GADD45G: variants seen among roughly 807,000 people sequenced by gnomAD.
GADD45G encodes the protein growth arrest and DNA damage-inducible protein GADD45 gamma.
Under a neutral mutation model 17.3 loss-of-function variants are expected in GADD45G, and 7 were observed. That is an observed-to-expected ratio of 0.41 (90% CI 0.23 to 0.76). The LOEUF is 0.76. Among genes scored for constraint, GADD45G ranks in the 30% least tolerant of loss-of-function variants. The probability of loss-of-function intolerance (pLI) is 0.34; values close to 1 mark genes in which losing one functional copy is unlikely to be tolerated. For missense variants in GADD45G, 149 were observed against 219.2 expected (o/e 0.68, Z 2.02); for synonymous variants, 93 against 94.9 (o/e 0.98, Z 0.12).
intron 1 of GADD45G, 62 bp from the exon 2 acceptor site, chr9:89,605,370 G>A: frequency 7.8e-7 from 1 of 1,283,662 alleles, no homozygotes; most frequent in Non-Finnish European, 1.1e-6. Context: ...CCGGTGGCCG[G>A]GGCTGGGGTC....
intron 1 of GADD45G, 90 bp downstream of exon 1, chr9:89,605,264 C>CG: frequency 8.0e-7 from 1 of 1,253,840 alleles, no homozygotes. Context: ...GAGGGGAGCG[C>CG]GGGGGTCCGG....
At position 89,605,954 on chromosome 9, in the gene GADD45G, GCT is replaced by G. The variant is rs758352700; in HGVS notation, c.370-7_370-6del. ...GCCCGCGGCCAGCCAGGCTGACCCT[GCT>G]CTCTCTCCGCAGAACCCCAACGAGG... is the stretch of plus-strand genomic sequence containing the variant. On this transcript the variant is annotated splice_polypyrimidine_tract_variant and intron_variant, in intron 3 of 3. Transcript: ENST00000252506. The G allele has an allele frequency of 4.8e-5, 77 of 1,604,364 alleles. 2 individuals are homozygous for G. In the East Asian group the frequency reaches 5.6e-4, roughly 12 times the overall value.
In GADD45G at chr9:89,606,437, G is replaced by T. The variant is rs896513530; in HGVS notation, c.*358G>T. On this transcript the variant is annotated 3_prime_UTR_variant, in exon 4 of 4. Transcript: ENST00000252506. ...CGCCCTGGACTTGGTACAGTTGCAG[G>T]AGCGTGAAGGACTTAGCCGACTGCG... The T allele has an allele frequency of 9.1e-6, 3 of 330,834 alleles. No homozygotes were observed. Among genetic ancestry groups the T allele is most frequent in the Non-Finnish European group, 1.7e-5 (3 of 178,196 alleles). The allele number at this position is 330,834 out of a possible 1,614,324, so 20.5% of individuals were successfully genotyped here. A position where few individuals can be genotyped will look rare whatever the true frequency, so the allele number is the denominator to read the frequency against.
chr9:89,606,211 T>A lies in GADD45G; in HGVS notation c.*132T>A. On this transcript the variant is annotated 3_prime_UTR_variant, in exon 4 of 4. Coordinates refer to ENST00000252506, the MANE Select transcript of GADD45G (RefSeq NM_006705.4). ...GAGACTGGCAGGCGGGGGGGGCGCC[T>A]GGAGAGCGAGGAGGCGCGGCCTCCC... 1 of 705,386 alleles carries A rather than the reference T, an allele frequency of 1.4e-6. No homozygotes were observed. The highest frequency in any genetic ancestry group is 2.4e-6 in the Non-Finnish European group (1 of 409,322). 43.7% of individuals were successfully genotyped at this position (705,386 alleles called of 1,614,324 possible). A position where few individuals can be genotyped will look rare whatever the true frequency, so the allele number is the denominator to read the frequency against.
chr9:89,605,564 CA>C, intron 2 of GADD45G, 31 bp downstream of exon 2: 3 of 1,556,638 alleles, frequency 1.9e-6, no homozygotes, highest in Non-Finnish European at 2.6e-6. Context: ...GGCTGGGAGA[CA>C]GGGGCGGGGG....
chr9:89,605,372 G>T lies in GADD45G; in HGVS notation c.54-60G>T, dbSNP rs749015090. 9 of 1,299,690 alleles carry T rather than the reference G, an allele frequency of 6.9e-6. No individual in the cohort carries two copies. The African/African-American group carries it at 7.3e-5, about 11-fold the overall frequency. 80.5% of individuals were successfully genotyped at this position (1,299,690 alleles called of 1,614,324 possible). On this transcript the variant is annotated intron_variant, in intron 1 of 3. Transcript: ENST00000252506. ...CCAAGGGTGTGTGCCGGTGGCCGGG[G>T]CTGGGGTCTCCGCCGCGCCCTCCGG...
Position 89,605,049 on chromosome 9 carries a change from G to C in GADD45G, c.-73G>C. ...GGTGGGCGCGCCGTGCTGAGCTCTG[G>C]CTGTCAGTGTGTTCGCCCGCGTCCC... On this transcript the variant is annotated 5_prime_UTR_variant, in exon 1 of 4. Coordinates refer to ENST00000252506, the MANE Select transcript of GADD45G (RefSeq NM_006705.4). 1.7e-6 allele frequency: 2 copies of C among 1,200,114 alleles called. No individual in the cohort carries two copies. Among genetic ancestry groups the C allele is most frequent in the Non-Finnish European group, 1.2e-6 (1 of 820,632 alleles). The allele number at this position is 1,200,114 out of a possible 1,614,324, so 74.3% of individuals were successfully genotyped here.
intron 1 of GADD45G, 47 bp from the exon 2 acceptor site, chr9:89,605,385 C>A (rs1827504599): frequency 7.1e-7 from 1 of 1,414,606 alleles, no homozygotes; most frequent in African/African-American, 1.4e-5. Context: ...GGGGTCTCCG[C>A]CGCGCCCTCC....
Position 89,605,158 on chromosome 9 carries a change from C to T in GADD45G, c.37C>T (p.Pro13Ser). The T allele has an allele frequency of 6.2e-7, 1 of 1,613,842 alleles. No homozygotes were observed. Among genetic ancestry groups the T allele is most frequent in the East Asian group, 2.2e-5 (1 of 44,884 alleles). ...AGAAGTCCGCGGCCAGGACACAGTT[C>T]CGGAAAGCACAGCCAGGTGGGTTTC... The part of the protein sequence containing the change: ...LEEVRGQDTV[P>S]ESTARMQGAG... The change falls in exon 1 of 4, where the codon CCG (proline) becomes TCG (serine). Residue 13 changes from proline (P) to serine (S), a missense_variant. Physicochemically the swap from Pro to Ser is moderately conservative, Grantham distance 74. Transcript: ENST00000252506.
Position 89,605,868 on chromosome 9 carries a change from C to T in GADD45G, c.357C>T (p.Cys119=), listed in dbSNP as rs767626463. 6.2e-7 allele frequency: 1 copy of T among 1,610,794 alleles called. No homozygotes were observed. The highest frequency in any genetic ancestry group is 1.1e-5 in the South Asian group (1 of 90,790). Residue 119 remains cysteine (C), a synonymous_variant, in exon 3 of 4, where the codon TGC becomes TGT. Coordinates refer to ENST00000252506, the MANE Select transcript of GADD45G (RefSeq NM_006705.4). ...EEAGAPGDLH[C]ILISNPNEDA... is the part of the protein sequence containing the mutation. Reference sequence around the variant, plus strand: ...CGGGTGCGCCGGGCGACCTGCACTGCATCCTCATTTCGGTGAGTACAGTCC... The same window carrying T: ...CGGGTGCGCCGGGCGACCTGCACTGTATCCTCATTTCGGTGAGTACAGTCC...
chr9:89,605,999 G>A lies in GADD45G; in HGVS notation c.400G>A (p.Ala134Thr). The change falls in exon 4 of 4, where the codon GCC becomes ACC. Residue 134 changes from alanine (A) to threonine (T), a missense_variant. Physicochemically the swap from Ala to Thr is moderately conservative, Grantham distance 58. Around this residue, in one of 3 missense-constraint regions of GADD45G, gnomAD observed 73 missense variants for 84.3 expected, o/e 0.87. Transcript: ENST00000252506. ...NPNEDAWKDP[A>T]LEKLSLFCEE... ...CAACGAGGACGCCTGGAAGGATCCC[G>A]CCTTGGAGAAGCTCAGCCTGTTTTG... 1 of 1,613,642 alleles carries A rather than the reference G, an allele frequency of 6.2e-7. No individual in the cohort carries two copies. Among genetic ancestry groups the A allele is most frequent in the Non-Finnish European group, 8.5e-7 (1 of 1,179,758 alleles).
In GADD45G at chr9:89,605,452, C is replaced by G; in HGVS notation, c.74C>G (p.Ala25Gly). 1 of 1,557,194 alleles carries G rather than the reference C, an allele frequency of 6.4e-7. No individual in the cohort carries two copies. Among genetic ancestry groups the G allele is most frequent in the Non-Finnish European group, 8.7e-7 (1 of 1,150,446 alleles). ...STARMQGAGKALHELLLSAQR... is the reference protein window; with the variant it reads ...STARMQGAGKGLHELLLSAQR... Reference sequence around the variant, plus strand: ...CGCAGGATGCAGGGTGCCGGGAAAGCGCTGCATGAGTTGCTGCTGTCGGCG... The same window carrying G: ...CGCAGGATGCAGGGTGCCGGGAAAGGGCTGCATGAGTTGCTGCTGTCGGCG... The change falls in exon 2 of 4, where the codon GCG (alanine) becomes GGG (glycine). Residue 25 changes from alanine (A) to glycine (G), a missense_variant. Ala to Gly is a moderately conservative substitution (Grantham distance 60). Transcript: ENST00000252506.
chr9:89,605,189 G>T lies in GADD45G; in HGVS notation c.53+15G>T. ...AGCACAGCCAGGTGGGTTTCAGGGC[G>T]CTGAGAAAGCCGCTGGTCGGTCGGC... On this transcript the variant is annotated intron_variant, in intron 1 of 3. Transcript: ENST00000252506. 1.2e-6 allele frequency: 2 copies of T among 1,611,152 alleles called. No homozygotes were observed. Among genetic ancestry groups the T allele is most frequent in the Non-Finnish European group, 1.7e-6 (2 of 1,177,442 alleles).
At chr9:89,605,602 G>C in intron 2 of GADD45G, 65 bp from the exon 3 acceptor site, 9 of 1,575,764 alleles carry the variant, frequency 5.7e-6, no homozygotes, top group Non-Finnish European at 7.8e-6. Flanking sequence ...TGGCGGATGG[G>C]AGGGGTGGCG....
In GADD45G at chr9:89,606,059, A is replaced by G; in HGVS notation, c.460A>G (p.Ser154Gly). 2 of 1,611,744 alleles carry G rather than the reference A, an allele frequency of 1.2e-6. No individual in the cohort carries two copies. The highest frequency in any genetic ancestry group is 1.7e-6 in the Non-Finnish European group (2 of 1,178,672). The change falls in exon 4 of 4, where the codon AGC becomes GGC. Residue 154 changes from serine (S) to glycine (G), a missense_variant. Physicochemically the swap from Ser to Gly is moderately conservative, Grantham distance 56. Transcript: ENST00000252506. ...ESRSVNDWVP[S>G]ITLPE ...CCGCAGCGTTAACGACTGGGTGCCC[A>G]GCATCACCCTCCCCGAGTGACAGCC...
At position 89,605,798 on chromosome 9, in the gene GADD45G, G is replaced by A. The variant is rs1351277448; in HGVS notation, c.287G>A (p.Gly96Asp). Residue 96 changes from glycine (G) to aspartate (D), a missense_variant, in exon 3 of 4, where the codon GGC becomes GAC. By Grantham distance (94) the Gly-to-Asp change is moderately conservative. This residue lies in a region of GADD45G where 39 missense variants were observed against 99.9 expected (regional missense o/e 0.39). Transcript: ENST00000252506. Reference protein sequence around the residue: ...CENDIDIVRVGDVQRLAAIVG... With the variant: ...CENDIDIVRVDDVQRLAAIVG... ...AACGACATCGACATAGTGCGCGTGGGCGATGTGCAGCGGCTGGCGGCTATC... is the reference window on the plus strand; with the variant it reads ...AACGACATCGACATAGTGCGCGTGGACGATGTGCAGCGGCTGGCGGCTATC... 1 of 1,613,920 alleles carries A rather than the reference G, an allele frequency of 6.2e-7. No individual in the cohort carries two copies. The highest frequency in any genetic ancestry group is 1.3e-5 in the African/African-American group (1 of 75,066).
At chr9:89,605,638 T>C (rs1290718632) in intron 2 of GADD45G, 29 bp from the exon 3 acceptor site, 3 of 1,534,640 alleles carry the variant, frequency 2.0e-6, no homozygotes, top group Non-Finnish European at 2.7e-6. Flanking sequence ...TAGCCGGTTC[T>C]GACCTAGGTC....
Position 89,605,399 on chromosome 9 carries a change from C to A in GADD45G, c.54-33C>A, listed in dbSNP as rs553901999. 1.9e-5 allele frequency: 29 copies of A among 1,491,036 alleles called. No homozygotes were observed. In the East Asian group the frequency reaches 7.2e-4, roughly 37 times the overall value. 92.4% of individuals were successfully genotyped at this position (1,491,036 alleles called of 1,614,324 possible). ...TGGGGTCTCCGCCGCGCCCTCCGGC[C>A]GGCTCCCGCTCACTGCGCTGGCTCC... On this transcript the variant is annotated intron_variant, in intron 1 of 3. Transcript: ENST00000252506.
Position 89,605,189 on chromosome 9 carries a change from G to A in GADD45G, c.53+15G>A, listed in dbSNP as rs1387110099. Reference sequence around the variant, plus strand: ...AGCACAGCCAGGTGGGTTTCAGGGCGCTGAGAAAGCCGCTGGTCGGTCGGC... The same window carrying A: ...AGCACAGCCAGGTGGGTTTCAGGGCACTGAGAAAGCCGCTGGTCGGTCGGC... On this transcript the variant is annotated intron_variant, in intron 1 of 3. Transcript: ENST00000252506. The A allele has an allele frequency of 6.2e-7, 1 of 1,611,152 alleles. No homozygotes were observed. Among genetic ancestry groups the A allele is most frequent in the East Asian group, 2.2e-5 (1 of 44,872 alleles).
Sources: gnomAD v4.1 joint callset for allele counts on GRCh38, gnomAD v4.1.1 for gene constraint, gnomAD v4.1.1 regional missense constraint, MANE v1.5 for transcripts, NCBI Gene and HGNC (gene_info 2026-07-23, HGNC 2026-07-21) for gene names.